ABCC4: variants seen among roughly 807,000 people sequenced by gnomAD.
ABCC4 encodes the protein ATP binding cassette subfamily C member 4 (PEL blood group), also known as ATP-binding cassette sub-family C member 4.
ABCC4 carries 102 observed loss-of-function variants against 168.5 expected under a neutral mutation model. The observed-to-expected ratio is 0.61, with a 90% CI of 0.52 to 0.71. The LOEUF (loss-of-function observed/expected upper bound fraction) is 0.71. Among genes scored for constraint, ABCC4 ranks in the 30% least tolerant of loss-of-function variants. ABCC4 has a pLI of 0.00. For synonymous variants in ABCC4, 617 were observed against 590.7 expected (o/e 1.04, Z -0.65); for missense variants, 1,402 against 1,605.8 (o/e 0.87, Z 2.17).
At chr13:95,225,363 A>T (rs2039434584) in intron 4 of ABCC4, among the ~76,000 whole-genome samples, 1 of 152,208 alleles carries the variant, frequency 6.6e-6, no homozygotes, top group South Asian at 2.1e-4. Flanking sequence ...ACAAACGGTA[A>T]GTGAAAATTT....
chr13:95,077,775 C>T (rs953519265), intron 21 of ABCC4, among the ~76,000 whole-genome samples: 2 of 152,146 alleles, frequency 1.3e-5, no homozygotes, highest in African/African-American at 4.8e-5. Context: ...AGTACAGCAT[C>T]CCCATGCCGA....
At chr13:95,270,891 C>A (rs760978614) in intron 1 of ABCC4, among the ~76,000 whole-genome samples, 1 of 152,076 alleles carries the variant, frequency 6.6e-6, no homozygotes, top group Non-Finnish European at 1.5e-5. Flanking sequence ...GTCAGGAGAT[C>A]GAGACTATCC....
chr13:95,218,063 A>C (rs1046171005), intron 4 of ABCC4, among the ~76,000 whole-genome samples: 18 of 152,190 alleles, frequency 1.2e-4, no homozygotes, highest in African/African-American at 4.3e-4. Flanking sequence ...TAAAGTAAGT[A>C]TTATCTATCT....
chr13:95,291,355 CA>C (rs773811081), intron 1 of ABCC4, among the ~76,000 whole-genome samples: 2,431 of 134,170 alleles, frequency 0.018, 18 homozygotes, highest in Non-Finnish European at 0.026. Context: ...GATCCTGTCT[CA>C]AAAAAAAAAA....
intron 21 of ABCC4, among the ~76,000 whole-genome samples, chr13:95,075,969 T>C (rs1267057211): frequency 6.6e-6 from 1 of 152,180 alleles, no homozygotes; most frequent in African/African-American, 2.4e-5. Flanking sequence ...GAATTACAAT[T>C]AGCCATCTAT....
intron 4 of ABCC4, among the ~76,000 whole-genome samples, chr13:95,218,937 G>GAA (rs1491298008): frequency 4.2e-5 from 1 of 23,736 alleles, no homozygotes; most frequent in Non-Finnish European, 9.5e-5. Context: ...GAGAAAGAAA[G>GAA]AAAGAAAGAA....
intron 8 of ABCC4, among the ~76,000 whole-genome samples, chr13:95,197,036 C>CA (rs2038476081): frequency 1.3e-5 from 2 of 152,166 alleles, no homozygotes; most frequent in Non-Finnish European, 2.9e-5. Flanking sequence ...GGGCCCACCT[C>CA]AAAGACTAAT....
At chr13:95,032,423 TA>T (rs1317106751) in intron 30 of ABCC4, among the ~76,000 whole-genome samples, 3 of 152,228 alleles carry the variant, frequency 2.0e-5, no homozygotes, top group African/African-American at 7.2e-5. Context: ...TGTCAATGAC[TA>T]GGGGCATGTT....
At chr13:95,109,966 A>G (rs2035145494) in intron 20 of ABCC4, among the ~76,000 whole-genome samples, 1 of 152,042 alleles carries the variant, frequency 6.6e-6, no homozygotes, top group South Asian at 2.1e-4. Flanking sequence ...TAGGAGCTCA[A>G]TAAAAAGCTG....
chr13:95,045,268 A>C (rs2032528802), intron 27 of ABCC4, among the ~76,000 whole-genome samples: 2 of 152,222 alleles, frequency 1.3e-5, no homozygotes, highest in South Asian at 4.1e-4. Flanking sequence ...GGGAAAATTT[A>C]AAAAGAAAAT....
At chr13:95,161,408 C>T in intron 18 of ABCC4, 73 bp from the exon 19 acceptor site, 1 of 1,248,944 alleles carries the variant, frequency 8.0e-7, no homozygotes. Context: ...TAAAGCAAGC[C>T]AGGTAGTTTA....
At chr13:95,039,721 G>C (rs548628353) in intron 29 of ABCC4, among the ~76,000 whole-genome samples, 3 of 152,214 alleles carry the variant, frequency 2.0e-5, no homozygotes, top group African/African-American at 7.2e-5. Flanking sequence ...ATTCCAGGTA[G>C]CTGTCCTAGA....
chr13:95,060,273 CA>C (rs2139282088), intron 26 of ABCC4, among the ~76,000 whole-genome samples: 1 of 152,270 alleles, frequency 6.6e-6, no homozygotes, highest in Admixed American at 6.5e-5. Flanking sequence ...AGCATTTGCT[CA>C]AAAGTAGGGT....
At chr13:95,052,139 C>A (rs1393181541) in intron 27 of ABCC4, among the ~76,000 whole-genome samples, 1 of 152,096 alleles carries the variant, frequency 6.6e-6, no homozygotes, top group African/African-American at 2.4e-5. Context: ...CACCACCATA[C>A]CCAGCTAATC....
At chr13:95,279,715 C>A (rs1389442407) in intron 1 of ABCC4, among the ~76,000 whole-genome samples, 3 of 152,040 alleles carry the variant, frequency 2.0e-5, no homozygotes, top group Admixed American at 6.6e-5. Context: ...TTGTGGAAAC[C>A]GGTAAAAGGG....
At position 95,218,942 on chromosome 13, in the gene ABCC4, A is replaced by AG. The variant is rs1566539558; in HGVS notation, c.532-8162_532-8161insC. ...GAGAAAGAAAGAGAAAGAAAGAAAG[A>AG]AAGAAAGAAAGAAAGAAAGAAAGAA... On this transcript the variant is annotated intron_variant, in intron 4 of 30. Coordinates refer to ENST00000645237, the MANE Select transcript of ABCC4 (RefSeq NM_005845.5). Among the ~76,000 whole-genome samples, 130 of 32,184 alleles carry AG rather than the reference A, an allele frequency of 4.0e-3. 7 individuals are homozygous for AG. The highest frequency in any genetic ancestry group is 0.018 in the African/African-American group (106 of 5,784). 21.1% of individuals were successfully genotyped at this position (32,184 alleles called of 152,430 possible). A position where few individuals can be genotyped will look rare whatever the true frequency, so the allele number is the denominator to read the frequency against.
chr13:95,269,298 C>A (rs561495048), intron 1 of ABCC4: 1 of 455,678 alleles, frequency 2.2e-6, no homozygotes, highest in South Asian at 1.5e-5. Flanking sequence ...GTCAGCAGCA[C>A]AAGCAGCTCA....
At chr13:95,061,462 G>C (rs1213920380) in intron 26 of ABCC4, among the ~76,000 whole-genome samples, 1 of 152,068 alleles carries the variant, frequency 6.6e-6, no homozygotes, top group Non-Finnish European at 1.5e-5. Context: ...TTCCCTTCCG[G>C]TGGCACGTTC....
At chr13:95,114,063 G>A (rs9590186) in intron 20 of ABCC4, among the ~76,000 whole-genome samples, 3,004 of 152,202 alleles carry the variant, frequency 0.02, 39 homozygotes, top group African/African-American at 0.037. Flanking sequence ...CTTTCTTGGA[G>A]ACAATAACAT....
Sources: gnomAD v4.1 joint callset for allele counts (sites outside exome capture counted in the v4.1 genomes callset) on GRCh38, gnomAD v4.1.1 for gene constraint, MANE v1.5 for transcripts, NCBI Gene and HGNC (gene_info 2026-07-23, HGNC 2026-07-21) for gene names.